CTNNA2: variants seen among roughly 807,000 people sequenced by gnomAD.
CTNNA2 encodes the protein catenin alpha 2, also known as catenin alpha-2.
Under a neutral mutation model 101.0 loss-of-function variants are expected in CTNNA2, and 42 were observed. The observed-to-expected ratio is 0.42, with a 90% CI of 0.32 to 0.54. The LOEUF (loss-of-function observed/expected upper bound fraction) is 0.54. Among genes scored for constraint, CTNNA2 ranks in the 20% least tolerant of loss-of-function variants. The probability of loss-of-function intolerance (pLI) is 0.14; values close to 1 mark genes in which losing one functional copy is unlikely to be tolerated. For synonymous variants in CTNNA2, 450 were observed against 456.4 expected (o/e 0.99, Z 0.18); for missense variants, 871 against 1,223.1 (o/e 0.71, Z 4.29).
intron 8 of CTNNA2, among the ~76,000 whole-genome samples, chr2:80,407,723 C>A (rs1679195320): frequency 3.3e-5 from 5 of 152,204 alleles, no homozygotes. Context: ...CAGCACCAGT[C>A]ATTTTACAGG....
At chr2:80,346,166 C>A (rs1012889308) in intron 7 of CTNNA2, among the ~76,000 whole-genome samples, 2 of 152,134 alleles carry the variant, frequency 1.3e-5, no homozygotes, top group African/African-American at 2.4e-5. Context: ...TGTTTGAACT[C>A]TTTTGTATTA....
intron 2 of CTNNA2, among the ~76,000 whole-genome samples, chr2:79,203,681 G>A (rs1674065934): frequency 6.6e-6 from 1 of 152,192 alleles, no homozygotes; most frequent in Non-Finnish European, 1.5e-5. Flanking sequence ...ATTCTTCAGG[G>A]ACAAGAACGA....
intron 2 of CTNNA2, among the ~76,000 whole-genome samples, chr2:79,272,907 G>T (rs1462549789): frequency 6.6e-6 from 1 of 151,976 alleles, no homozygotes; most frequent in African/African-American, 2.4e-5. Context: ...TTATTAACTA[G>T]GTTATGTTTT....
At chr2:80,571,213 G>A (rs758482541) in intron 12 of CTNNA2, among the ~76,000 whole-genome samples, 1 of 152,068 alleles carries the variant, frequency 6.6e-6, no homozygotes, top group African/African-American at 2.4e-5. Flanking sequence ...GGGTCTGAGC[G>A]GTGGGCATTT....
rs995329557 is a variant in CTNNA2, at chr2:80,647,520, A to G, written c.2575-65A>G. The G allele has an allele frequency of 5.4e-6, 7 of 1,298,548 alleles. No individual in the cohort carries two copies. In the Admixed American group the frequency reaches 9.0e-5, roughly 17 times the overall value. The allele number at this position is 1,298,548 out of a possible 1,614,324, so 80.4% of individuals were successfully genotyped here. On this transcript the variant is annotated intron_variant, in intron 18 of 18. Transcript: ENST00000402739. ...AACATTATTTTAACCGTGAAAGTAC[A>G]TCACCATTTTGTGAATTTGGGGCCT...
At chr2:80,562,384 T>C (rs1226667130) in intron 12 of CTNNA2, among the ~76,000 whole-genome samples, 1 of 152,146 alleles carries the variant, frequency 6.6e-6, no homozygotes, top group Non-Finnish European at 1.5e-5. Flanking sequence ...TTGAACTCTC[T>C]CATAAGATAA....
chr2:79,999,970 C>T (rs1692827090), intron 7 of CTNNA2, among the ~76,000 whole-genome samples: 1 of 152,026 alleles, frequency 6.6e-6, no homozygotes, highest in South Asian at 2.1e-4. Context: ...GGAAAGAAGA[C>T]CTGTGGGGAG....
intron 7 of CTNNA2, among the ~76,000 whole-genome samples, chr2:80,380,978 G>C (rs1676461016): frequency 6.6e-6 from 1 of 152,114 alleles, no homozygotes; most frequent in Non-Finnish European, 1.5e-5. Flanking sequence ...GTTTTTAACT[G>C]TCATGCTACA....
intron 13 of CTNNA2, among the ~76,000 whole-genome samples, chr2:80,581,284 T>C (rs929979626): frequency 3.9e-5 from 6 of 152,160 alleles, no homozygotes. Flanking sequence ...AAATCAGATA[T>C]TCCATCAGGT....
chr2:79,242,235 C>T (rs1572995366), intron 2 of CTNNA2, among the ~76,000 whole-genome samples: 1 of 152,056 alleles, frequency 6.6e-6, no homozygotes, highest in Non-Finnish European at 1.5e-5. Flanking sequence ...AACATTTTCT[C>T]CTATCCTTCT....
At chr2:80,205,596 A>C in intron 7 of CTNNA2, among the ~76,000 whole-genome samples, 1 of 152,252 alleles carries the variant, frequency 6.6e-6, no homozygotes, top group South Asian at 2.1e-4. Context: ...TCAATCAGCA[A>C]ATGACCACAC....
At chr2:79,388,870 T>C (rs1329075424) in intron 4 of CTNNA2, among the ~76,000 whole-genome samples, 1 of 152,172 alleles carries the variant, frequency 6.6e-6, no homozygotes, top group Non-Finnish European at 1.5e-5. Flanking sequence ...TTTTCTTGGC[T>C]TCATCCCAGA....
chr2:79,423,525 A>G (rs891105980), intron 4 of CTNNA2, among the ~76,000 whole-genome samples: 1 of 152,236 alleles, frequency 6.6e-6, no homozygotes, highest in Non-Finnish European at 1.5e-5. Context: ...TACTTATGAA[A>G]TAGCATTTTA....
chr2:79,622,160 C>A (rs1270030094), intron 1 of CTNNA2, among the ~76,000 whole-genome samples: 1 of 152,174 alleles, frequency 6.6e-6, no homozygotes, highest in Non-Finnish European at 1.5e-5. Context: ...CTTTTTCAAT[C>A]ATTCCGATCT....
intron 9 of CTNNA2, among the ~76,000 whole-genome samples, chr2:80,524,454 G>A (rs1255112355): frequency 6.6e-6 from 1 of 152,032 alleles, no homozygotes; most frequent in African/African-American, 2.4e-5. Flanking sequence ...TTGCCCAGTG[G>A]TCACTCACCT....
At chr2:80,077,149 CAT>C (rs1450334013) in intron 7 of CTNNA2, among the ~76,000 whole-genome samples, 2 of 152,170 alleles carry the variant, frequency 1.3e-5, no homozygotes, top group East Asian at 3.9e-4. Context: ...CTGTAACTCT[CAT>C]ATATTTTTGG....
At chr2:80,224,172 A>G (rs547948925) in intron 7 of CTNNA2, among the ~76,000 whole-genome samples, 6 of 152,326 alleles carry the variant, frequency 3.9e-5, no homozygotes, top group African/African-American at 1.2e-4. Flanking sequence ...TACAGAAAGA[A>G]GGACACTCTC....
intron 7 of CTNNA2, among the ~76,000 whole-genome samples, chr2:79,916,748 G>A (rs1157802545): frequency 1.3e-5 from 2 of 151,492 alleles, no homozygotes; most frequent in Admixed American, 6.6e-5. Context: ...TCAGCCTCCC[G>A]AGTAGCTGGG....
At chr2:80,390,970 A>C (rs1388228350) in intron 7 of CTNNA2, among the ~76,000 whole-genome samples, 1 of 151,912 alleles carries the variant, frequency 6.6e-6, no homozygotes, top group African/African-American at 2.4e-5. Flanking sequence ...TCTCTACTAA[A>C]AATACAAAAA....
Sources: gnomAD v4.1 joint callset for allele counts (sites outside exome capture counted in the v4.1 genomes callset) on GRCh38, gnomAD v4.1.1 for gene constraint, MANE v1.5 for transcripts, NCBI Gene and HGNC (gene_info 2026-07-23, HGNC 2026-07-21) for gene names.